Variants in ADORA2B observed in about 807,000 individuals in gnomAD.
ADORA2B encodes the protein adenosine receptor A2b.
ADORA2B carries 18 observed loss-of-function variants against 20.8 expected under a neutral mutation model. The ratio of observed to expected loss-of-function variants is 0.87; its 90% CI spans 0.60 to 1.29. The LOEUF (loss-of-function observed/expected upper bound fraction) is 1.29. Ranked by LOEUF, ADORA2B falls within the 50% of genes most tolerant of loss-of-function variation. The pLI, the probability that ADORA2B is intolerant of heterozygous loss-of-function variation, is 0.00. For synonymous variants in ADORA2B, 179 were observed against 178.3 expected, an observed-to-expected ratio of 1.00 and a Z score of -0.03; for missense variants, 441 against 422.7, an observed-to-expected ratio of 1.04 and a Z score of -0.38.
At chr17:15,895,489 G>A in the ADORA2B span, among the ~76,000 whole-genome samples, 2 of 152,150 alleles carry the variant, frequency 1.3e-5, no homozygotes, top group African/African-American at 4.8e-5. Context: ...CAAATCCGGA[G>A]CCGGGATCGG....
At chr17:15,920,332 A>G in the ADORA2B span, among the ~76,000 whole-genome samples, 3 of 152,232 alleles carry the variant, frequency 2.0e-5, no homozygotes, top group East Asian at 1.9e-4. Flanking sequence ...CAGTATACCC[A>G]TGGAACAAAA....
At chr17:15,927,485 A>G in the ADORA2B span, among the ~76,000 whole-genome samples, 4 of 145,452 alleles carry the variant, frequency 2.8e-5, no homozygotes, top group Non-Finnish European at 4.6e-5. Flanking sequence ...CTGTCTCAGG[A>G]AAAAAAAAAA....
At chr17:15,947,688 G>A (rs1341542664) in intron 1 of ADORA2B, among the ~76,000 whole-genome samples, 1 of 152,220 alleles carries the variant, frequency 6.6e-6, no homozygotes, top group African/African-American at 2.4e-5. Flanking sequence ...AGGTGTACTA[G>A]GGCCCCCAGG....
chr17:15,936,143 C>G, the ADORA2B span, among the ~76,000 whole-genome samples: 1 of 151,980 alleles, frequency 6.6e-6, no homozygotes, highest in Non-Finnish European at 1.5e-5. Context: ...CTTGGCTTAC[C>G]AAAGTGATGG....
rs537626556 is a variant in ADORA2B, at chr17:15,952,133, C to T, written c.335+6550C>T. Among the ~76,000 whole-genome samples the T allele has an allele frequency of 3.0e-4, 46 of 152,270 alleles. No individual in the cohort carries two copies. In the South Asian group the frequency reaches 9.2e-3, roughly 30 times the overall value. On this transcript the variant is annotated intron_variant, in intron 1 of 1. Coordinates refer to ENST00000304222, the MANE Select transcript of ADORA2B (RefSeq NM_000676.4). ...GTCAACATTTTCCCACTACAGATCA[C>T]CTGGCTCCTTTCTCGGTGACCACGT...
At chr17:15,931,485 G>A in the ADORA2B span, among the ~76,000 whole-genome samples, 2 of 152,202 alleles carry the variant, frequency 1.3e-5, no homozygotes, top group Non-Finnish European at 2.9e-5. Flanking sequence ...CTGGCCCTGG[G>A]ATGGGCATGG....
At chr17:15,957,360 C>T (rs780775218) in intron 1 of ADORA2B, among the ~76,000 whole-genome samples, 16 of 152,090 alleles carry the variant, frequency 1.1e-4, no homozygotes, top group African/African-American at 1.7e-4. Context: ...AATTGATGTG[C>T]GTGAGATCTG....
At chr17:15,856,933 G>A in the ADORA2B span, among the ~76,000 whole-genome samples, 9 of 152,232 alleles carry the variant, frequency 5.9e-5, no homozygotes, top group African/African-American at 2.2e-4. Flanking sequence ...GGAGCCGAAT[G>A]TTAATCACCA....
chr17:15,874,322 G>T, the ADORA2B span, among the ~76,000 whole-genome samples: 2 of 151,042 alleles, frequency 1.3e-5, no homozygotes, highest in Admixed American at 1.3e-4. Flanking sequence ...GACTCATAAG[G>T]GAAAGGTAGG....
At chr17:15,946,197 A>G (rs1451317381) in intron 1 of ADORA2B, among the ~76,000 whole-genome samples, 2 of 152,244 alleles carry the variant, frequency 1.3e-5, no homozygotes, top group East Asian at 3.9e-4. Context: ...GGGGAACGCT[A>G]CGGACTCAGA....
At chr17:15,860,540 A>C in the ADORA2B span, among the ~76,000 whole-genome samples, 1 of 152,066 alleles carries the variant, frequency 6.6e-6, no homozygotes. Context: ...TCCCCAGGTA[A>C]GGGCAATTTC....
At chr17:15,932,380 C>T in the ADORA2B span, among the ~76,000 whole-genome samples, 1 of 151,636 alleles carries the variant, frequency 6.6e-6, no homozygotes, top group African/African-American at 2.4e-5. Flanking sequence ...ATATTCCCAG[C>T]TACTGGGGAG....
At chr17:15,901,186 C>A in the ADORA2B span, among the ~76,000 whole-genome samples, 1 of 152,202 alleles carries the variant, frequency 6.6e-6, no homozygotes, top group Admixed American at 6.5e-5. Flanking sequence ...TAATTTGAGG[C>A]TGGGCACAGT....
At chr17:15,907,917 A>G in the ADORA2B span, among the ~76,000 whole-genome samples, 3 of 152,242 alleles carry the variant, frequency 2.0e-5, no homozygotes, top group African/African-American at 4.8e-5. Flanking sequence ...CACATCCACT[A>G]GAATGGCAGC....
chr17:15,916,528 G>C, the ADORA2B span, among the ~76,000 whole-genome samples: 1 of 151,818 alleles, frequency 6.6e-6, no homozygotes, highest in East Asian at 2.0e-4. Flanking sequence ...GCAAGGAGGG[G>C]GGGTACATGA....
chr17:15,926,056 C>T, the ADORA2B span, among the ~76,000 whole-genome samples: 1 of 152,204 alleles, frequency 6.6e-6, no homozygotes. Flanking sequence ...TCTGCTTATA[C>T]AAACTTATTG....
chr17:15,936,781 C>A, the ADORA2B span, among the ~76,000 whole-genome samples: 1 of 152,108 alleles, frequency 6.6e-6, no homozygotes, highest in South Asian at 2.1e-4. Flanking sequence ...CAAAATGAGA[C>A]CCCATCTCTA....
the ADORA2B span, among the ~76,000 whole-genome samples, chr17:15,891,638 A>G: frequency 6.6e-6 from 1 of 152,148 alleles, no homozygotes; most frequent in South Asian, 2.1e-4. Flanking sequence ...GATCGCCATC[A>G]GCCTGAGACA....
the ADORA2B span, among the ~76,000 whole-genome samples, chr17:15,875,933 G>A: frequency 2.2e-4 from 33 of 152,294 alleles, no homozygotes; most frequent in African/African-American, 7.7e-4. Flanking sequence ...AACTCTTTGT[G>A]AGATATCCCC....
Sources: gnomAD v4.1 joint callset for allele counts (sites outside exome capture counted in the v4.1 genomes callset) on GRCh38, gnomAD v4.1.1 for gene constraint, MANE v1.5 for transcripts, NCBI Gene and HGNC (gene_info 2026-07-23, HGNC 2026-07-21) for gene names.